The following AACS variants were observed in gnomAD, a reference collection of about 807,000 sequenced individuals.
AACS encodes acetoacetyl-CoA synthetase.
AACS carries 69 observed loss-of-function variants against 83.1 expected under a neutral mutation model. That is an observed-to-expected ratio of 0.83 (90% CI 0.68 to 1.01). The LOEUF (loss-of-function observed/expected upper bound fraction) is 1.01, where lower values mean the gene tolerates loss of function less well. AACS is among the 50% of genes least tolerant of loss of function. The pLI is 0.00. For missense variants in AACS, 866 were observed against 882.2 expected, an observed-to-expected ratio of 0.98 and a Z score of 0.23; for synonymous variants, 333 against 343.4, an observed-to-expected ratio of 0.97 and a Z score of 0.33.
chr12:125,065,534 C>T lies in AACS; in HGVS notation c.-51C>T. On this transcript the variant is annotated 5_prime_UTR_variant, in exon 1 of 18. Coordinates refer to ENST00000316519, the MANE Select transcript of AACS (RefSeq NM_023928.5). ...CAGGTCCCCGGCCCTCGCCTCAGCC[C>T]CGGCCCCTGGTCCCCAGCCCTCGTC... is the stretch of plus-strand genomic sequence containing the variant. 6.9e-7 allele frequency: 1 copy of T among 1,455,304 alleles called. No individual in the cohort carries two copies. The highest frequency in any genetic ancestry group is 9.1e-7 in the Non-Finnish European group (1 of 1,104,528). 90.1% of individuals were successfully genotyped at this position (1,455,304 alleles called of 1,614,324 possible).
At chr12:125,116,837 C>T (rs1352539922) in intron 9 of AACS, among the ~76,000 whole-genome samples, 2 of 151,784 alleles carry the variant, frequency 1.3e-5, no homozygotes, top group Non-Finnish European at 2.9e-5. Flanking sequence ...CCAGGCTATA[C>T]TGTGACCCAC....
At position 125,124,953 on chromosome 12, in the gene AACS, C is replaced by T; in HGVS notation, c.1238C>T (p.Pro413Leu). ...CACACGATCCTGTCCACTGGCTCCC[C>T]ACTGAAAGCCCAGAGCTACGAGTAT... ...MLHTILSTGS[P>L]LKAQSYEYVY... is the part of the protein sequence containing the mutation. Residue 413 changes from proline (P) to leucine (L), a missense_variant, in exon 12 of 18, where the codon CCA becomes CTA. Coordinates refer to ENST00000316519, the MANE Select transcript of AACS (RefSeq NM_023928.5). 1 of 1,614,232 alleles carries T rather than the reference C, an allele frequency of 6.2e-7. No individual in the cohort carries two copies. Among genetic ancestry groups the T allele is most frequent in the Middle Eastern group, 1.6e-4 (1 of 6,062 alleles).
Position 125,124,445 on chromosome 12 carries a change from C to T in AACS, c.1122-260C>T, listed in dbSNP as rs118099322. On this transcript the variant is annotated intron_variant, in intron 10 of 17. Coordinates refer to ENST00000316519, the MANE Select transcript of AACS (RefSeq NM_023928.5). ...TGGGAAGATAATGGGTTCGGGTGAGCGACTGTTTTATGTGACGCCTCGTGG... is the reference window on the plus strand; with the variant it reads ...TGGGAAGATAATGGGTTCGGGTGAGTGACTGTTTTATGTGACGCCTCGTGG... 7.0e-3 allele frequency: 3,641 copies of T among 521,384 alleles called. 30 individuals are homozygous for T. The highest frequency in any genetic ancestry group is 0.018 in the Middle Eastern group (34 of 1,936). 32.3% of individuals were successfully genotyped at this position (521,384 alleles called of 1,614,324 possible).
rs1056912222 is a variant in AACS, at chr12:125,130,571, C to T, written c.1549+1111C>T. On this transcript the variant is annotated intron_variant, in intron 14 of 17. Transcript: ENST00000316519. The surrounding 1 kb of genome is among the most constrained non-coding windows in gnomAD (Gnocchi z 4.9). ...TCTGTAACATTGCTCTTTGAAAACT[C>T]TCTTTTCTGTCACTTTATTTGTCAC... 7.9e-5 allele frequency among the ~76,000 whole-genome samples: 12 copies of T among 152,364 alleles called. No individual in the cohort carries two copies. The highest frequency in any genetic ancestry group is 2.9e-5 in the Non-Finnish European group (2 of 68,038).
At chr12:125,107,337 A>T (rs1956857950) in intron 8 of AACS, 69 bp downstream of exon 8, 2 of 1,580,624 alleles carry the variant, frequency 1.3e-6, no homozygotes, top group African/African-American at 1.3e-5. Flanking sequence ...CTCCCAGCTG[A>T]TGATGGCAGT....
In AACS at chr12:125,142,366, G is replaced by T; in HGVS notation, c.*137G>T. 8.0e-7 allele frequency: 1 copy of T among 1,253,918 alleles called. No individual in the cohort carries two copies. 77.7% of individuals were successfully genotyped at this position (1,253,918 alleles called of 1,614,324 possible). The stretch of plus-strand genomic sequence containing the variant: ...TGTTCTGTAGGCTTGGGGAGGGATC[G>T]TTTCTCTGTTTTGTTAAATCTGGTG... On this transcript the variant is annotated 3_prime_UTR_variant, in exon 18 of 18. Coordinates refer to ENST00000316519, the MANE Select transcript of AACS (RefSeq NM_023928.5).
At chr12:125,076,680 A>G (rs894169606) in intron 3 of AACS, 69 bp downstream of exon 3, 5 of 1,593,074 alleles carry the variant, frequency 3.1e-6, no homozygotes, top group Non-Finnish European at 4.3e-6. Context: ...ATGCGGTGCC[A>G]CATATTTGGA....
chr12:125,137,232 G>C (rs996703792), intron 17 of AACS, among the ~76,000 whole-genome samples: 1 of 152,132 alleles, frequency 6.6e-6, no homozygotes, highest in Admixed American at 6.5e-5. Flanking sequence ...GGAATGCAAT[G>C]GCTCAATCTC....
At chr12:125,073,091 T>G (rs1026263378) in intron 1 of AACS, among the ~76,000 whole-genome samples, 1 of 152,054 alleles carries the variant, frequency 6.6e-6, no homozygotes, top group Non-Finnish European at 1.5e-5. Flanking sequence ...CATGCTCGGC[T>G]AATTTTTTTT....
intron 7 of AACS, among the ~76,000 whole-genome samples, chr12:125,103,983 G>A (rs1479554876): frequency 1.1e-3 from 12 of 11,210 alleles, no homozygotes; most frequent in South Asian, 4.3e-3. Flanking sequence ...GCGAAACTCC[G>A]TCTCAAAAAA....
intron 9 of AACS, among the ~76,000 whole-genome samples, chr12:125,116,560 T>A (rs1957056705): frequency 6.6e-6 from 1 of 151,930 alleles, no homozygotes; most frequent in Non-Finnish European, 1.5e-5. Flanking sequence ...ACCTCCCAGG[T>A]TCACGCCATT....
At chr12:125,072,469 T>C (rs1455879315) in intron 1 of AACS, among the ~76,000 whole-genome samples, 1 of 152,188 alleles carries the variant, frequency 6.6e-6, no homozygotes, top group Non-Finnish European at 1.5e-5. Flanking sequence ...AGCTCAGCGG[T>C]TGTATTATAC....
Position 125,128,277 on chromosome 12 carries a change from G to A in AACS, c.1423+3G>A, listed in dbSNP as rs1435509860. On this transcript the variant is annotated splice_donor_region_variant and intron_variant, in intron 13 of 17. Coordinates refer to ENST00000316519, the MANE Select transcript of AACS (RefSeq NM_023928.5). ...CGTGGAAGCGTGGAACGAGGAAGGT[G>A]ATGGCTCCACCAACTGTTTCTTTCT... 1 of 1,610,186 alleles carries A rather than the reference G, an allele frequency of 6.2e-7. No homozygotes were observed. The highest frequency in any genetic ancestry group is 1.1e-5 in the South Asian group (1 of 90,566).
At chr12:125,088,752 G>A (rs2136070395) in intron 4 of AACS, among the ~76,000 whole-genome samples, 1 of 152,350 alleles carries the variant, frequency 6.6e-6, no homozygotes, top group East Asian at 1.9e-4. Context: ...AGGTCCCTGT[G>A]AGCTATGCTT....
intron 17 of AACS, among the ~76,000 whole-genome samples, chr12:125,137,742 G>T (rs1363020323): frequency 6.6e-6 from 1 of 152,216 alleles, no homozygotes; most frequent in Non-Finnish European, 1.5e-5. Context: ...TGCTGTGTGT[G>T]TGTGAGTGTG....
chr12:125,067,403 TA>T (rs1168910185), intron 1 of AACS, among the ~76,000 whole-genome samples: 2 of 152,202 alleles, frequency 1.3e-5, no homozygotes, highest in African/African-American at 4.8e-5. Context: ...CTGCCAGCAA[TA>T]ACAGAATGCT....
Position 125,082,039 on chromosome 12 carries a change from C to A in AACS, c.359-4291C>A, listed in dbSNP as rs143294211. On this transcript the variant is annotated intron_variant, in intron 3 of 17. Transcript: ENST00000316519. ...TACAGGCACGTGCCAGCATGCCCAG[C>A]TAATTTTTGTATTTTTAGTAGAGAG... is the stretch of plus-strand genomic sequence containing the variant. Among the ~76,000 whole-genome samples, 175 of 152,080 alleles carry A rather than the reference C, an allele frequency of 1.2e-3. 2 individuals are homozygous for A. The highest frequency in any genetic ancestry group is 4.0e-3 in the African/African-American group (165 of 41,502).
intron 10 of AACS, chr12:125,124,295 A>C (rs1957207098): frequency 6.0e-6 from 1 of 165,608 alleles, no homozygotes; most frequent in African/African-American, 2.4e-5. Context: ...GACCCTGTCT[A>C]AAATAATAAT....
chr12:125,102,807 C>T lies in AACS; in HGVS notation c.685+14C>T. On this transcript the variant is annotated intron_variant, in intron 6 of 17. Coordinates refer to ENST00000316519, the MANE Select transcript of AACS (RefSeq NM_023928.5). Reference sequence around the variant, plus strand: ...AGGTGGTTAAAGGTGTGTGGCCCTTCCGGCTCCCAGCCGGCATGGCTGGGT... The same window carrying T: ...AGGTGGTTAAAGGTGTGTGGCCCTTTCGGCTCCCAGCCGGCATGGCTGGGT... 1 of 1,611,690 alleles carries T rather than the reference C, an allele frequency of 6.2e-7. No individual in the cohort carries two copies. The highest frequency in any genetic ancestry group is 1.7e-5 in the Admixed American group (1 of 60,004).
Sources: allele counts gnomAD v4.1 joint callset (sites outside exome capture counted in the v4.1 genomes callset), GRCh38; gene constraint gnomAD v4.1.1; non-coding constraint Gnocchi (gnomAD v3.1); transcripts MANE v1.5; gene names NCBI Gene and HGNC (gene_info 2026-07-23, HGNC 2026-07-21).